Variants in CEPT1 observed in about 807,000 individuals in gnomAD.
CEPT1 encodes the protein choline/ethanolaminephosphotransferase 1.
Under a neutral mutation model 42.6 loss-of-function variants are expected in CEPT1, and 7 were observed. The ratio of observed to expected loss-of-function variants is 0.16; its 90% CI spans 0.09 to 0.31. CEPT1 has a LOEUF of 0.31. CEPT1 is among the 10% of genes least tolerant of loss of function. The pLI, the probability that CEPT1 is intolerant of heterozygous loss-of-function variation, is 1.00. For synonymous variants in CEPT1, 171 were observed against 171.9 expected, an observed-to-expected ratio of 0.99 and a Z score of 0.04; for missense variants, 306 against 502.1, an observed-to-expected ratio of 0.61 and a Z score of 3.73.
chr1:111,166,932 G>A (rs1057130779), intron 4 of CEPT1, among the ~76,000 whole-genome samples: 2 of 152,122 alleles, frequency 1.3e-5, no homozygotes, highest in Non-Finnish European at 2.9e-5. Context: ...TAAGAACTAT[G>A]TATGTATGTA....
chr1:111,142,212 T>C (rs1654682027), intron 1 of CEPT1, among the ~76,000 whole-genome samples: 1 of 152,240 alleles, frequency 6.6e-6, no homozygotes, highest in Admixed American at 6.5e-5. Context: ...TCTCTGATTA[T>C]ACTTTTTCTA....
At chr1:111,183,428 T>G (rs761734026) in intron 7 of CEPT1, 34 bp from the exon 8 acceptor site, 3 of 1,608,416 alleles carry the variant, frequency 1.9e-6, no homozygotes, top group Non-Finnish European at 2.6e-6. Context: ...TGTCCTCTTA[T>G]GAAAATGCCT....
At chr1:111,177,983 C>T (rs1162232553) in intron 5 of CEPT1, among the ~76,000 whole-genome samples, 3 of 152,166 alleles carry the variant, frequency 2.0e-5, no homozygotes. Context: ...TTTTTAACAA[C>T]TCCCAATACG....
rs1431271752 is a variant in CEPT1, at chr1:111,184,676, C to G, written c.*366C>G. On this transcript the variant is annotated 3_prime_UTR_variant, in exon 9 of 9. Transcript: ENST00000357172. The stretch of plus-strand genomic sequence containing the variant: ...AAAGATGATTGCTTTATAATTTTAA[C>G]AAATCATTGTCTTTTAGTAACATCC... The G allele has an allele frequency of 6.4e-6, 1 of 156,578 alleles. No individual in the cohort carries two copies. Among genetic ancestry groups the G allele is most frequent in the African/African-American group, 2.4e-5 (1 of 41,524 alleles). 9.7% of individuals were successfully genotyped at this position (156,578 alleles called of 1,614,324 possible). A position where few individuals can be genotyped will look rare whatever the true frequency, so the allele number is the denominator to read the frequency against.
chr1:111,179,081 G>GT (rs1459801251), intron 5 of CEPT1: 3 of 152,094 alleles, frequency 2.0e-5, no homozygotes, highest in Non-Finnish European at 4.4e-5. Context: ...TACAAAGCCT[G>GT]TAAGGACATT....
At chr1:111,166,847 T>C (rs1031219560) in intron 4 of CEPT1, among the ~76,000 whole-genome samples, 10 of 152,218 alleles carry the variant, frequency 6.6e-5, no homozygotes, top group Admixed American at 2.6e-4. Context: ...TATTAGTGTT[T>C]CCAGCTGCCT....
chr1:111,156,845 C>T (rs1655600316), intron 2 of CEPT1, among the ~76,000 whole-genome samples: 1 of 151,994 alleles, frequency 6.6e-6, no homozygotes, highest in Non-Finnish European at 1.5e-5. Context: ...TTAGTAAAAC[C>T]ATATGTTTCT....
chr1:111,145,129 C>T (rs918029336), intron 1 of CEPT1, among the ~76,000 whole-genome samples: 1 of 152,090 alleles, frequency 6.6e-6, no homozygotes, highest in Non-Finnish European at 1.5e-5. Context: ...AATTCTCCTG[C>T]CTCAGCCTCC....
At chr1:111,164,824 C>A (rs567437045) in intron 4 of CEPT1, among the ~76,000 whole-genome samples, 1 of 151,830 alleles carries the variant, frequency 6.6e-6, no homozygotes, top group African/African-American at 2.4e-5. Context: ...GGGGTTTCAC[C>A]GTGTTAGCCA....
At chr1:111,174,379 T>G (rs1184545466) in intron 4 of CEPT1, among the ~76,000 whole-genome samples, 1 of 152,012 alleles carries the variant, frequency 6.6e-6, no homozygotes, top group Non-Finnish European at 1.5e-5. Flanking sequence ...TTCACACCTA[T>G]ACAATGGCAG....
chr1:111,142,562 C>G (rs1654713814), intron 1 of CEPT1, among the ~76,000 whole-genome samples: 1 of 152,110 alleles, frequency 6.6e-6, no homozygotes, highest in African/African-American at 2.4e-5. Context: ...GGCTGAGACA[C>G]AGGAATCGCT....
intron 2 of CEPT1, among the ~76,000 whole-genome samples, chr1:111,149,411 C>T (rs1268318106): frequency 6.6e-6 from 1 of 151,994 alleles, no homozygotes; most frequent in Admixed American, 6.6e-5. Flanking sequence ...TACAGGCCCG[C>T]ACCATCACGC....
chr1:111,172,566 T>G (rs1656473769), intron 4 of CEPT1, among the ~76,000 whole-genome samples: 1 of 152,216 alleles, frequency 6.6e-6, no homozygotes, highest in African/African-American at 2.4e-5. Context: ...AAGAATGGAT[T>G]GTCATGTAAC....
At chr1:111,144,396 T>C (rs1201864200) in intron 1 of CEPT1, among the ~76,000 whole-genome samples, 1 of 152,338 alleles carries the variant, frequency 6.6e-6, no homozygotes, top group East Asian at 1.9e-4. Flanking sequence ...ACAGAGACAT[T>C]GTTGCTGCAA....
chr1:111,174,303 T>G (rs1656566785), intron 4 of CEPT1, among the ~76,000 whole-genome samples: 1 of 152,154 alleles, frequency 6.6e-6, no homozygotes, highest in African/African-American at 2.4e-5. Flanking sequence ...AGTATCTTCT[T>G]TGCAGAAGTC....
In CEPT1 at chr1:111,164,790, G is replaced by T. The variant is rs150188787; in HGVS notation, c.629+3494G>T. On this transcript the variant is annotated intron_variant, in intron 4 of 8. Coordinates refer to ENST00000357172, the MANE Select transcript of CEPT1 (RefSeq NM_006090.5). Reference sequence around the variant, plus strand: ...TGCGTGCTGCCACCATGCCCAGCTAGTTTTTTGCATTTTTAGTAGAGATGG... The same window carrying T: ...TGCGTGCTGCCACCATGCCCAGCTATTTTTTTGCATTTTTAGTAGAGATGG... Among the ~76,000 whole-genome samples the T allele has an allele frequency of 2.5e-3, 373 of 151,554 alleles. 4 individuals carry two copies. Among genetic ancestry groups the T allele is most frequent in the African/African-American group, 8.7e-3 (358 of 41,316 alleles).
At chr1:111,183,096 G>T in intron 7 of CEPT1, 139 bp downstream of exon 7, 1 of 835,736 alleles carries the variant, frequency 1.2e-6, no homozygotes, top group Non-Finnish European at 1.9e-6. Context: ...ATATCAACAT[G>T]GGAACTATTT....
chr1:111,147,723 G>C lies in CEPT1; in HGVS notation c.9G>C (p.Gly3=), dbSNP rs1415081596. MS[G]HRSTRKRCGD... is the part of the protein sequence containing the mutation. The stretch of plus-strand genomic sequence containing the variant: ...AAAAAAAAACAAGATCCATGAGTGG[G>C]CATCGATCAACAAGGAAAAGATGTG... Residue 3 remains glycine (G), a synonymous_variant, in exon 2 of 9, where the codon GGG becomes GGC. Coordinates refer to ENST00000357172, the MANE Select transcript of CEPT1 (RefSeq NM_006090.5). 5 of 1,606,246 alleles carry C rather than the reference G, an allele frequency of 3.1e-6. No homozygotes were observed. The highest frequency in any genetic ancestry group is 4.3e-6 in the Non-Finnish European group (5 of 1,174,742).
At chr1:111,169,733 T>A (rs1341585517) in intron 4 of CEPT1, among the ~76,000 whole-genome samples, 1 of 152,240 alleles carries the variant, frequency 6.6e-6, no homozygotes, top group Non-Finnish European at 1.5e-5. Context: ...CAGAAAGAAT[T>A]GTCCTTAATA....
Sources: gnomAD v4.1 joint callset for allele counts (sites outside exome capture counted in the v4.1 genomes callset) on GRCh38, gnomAD v4.1.1 for gene constraint, MANE v1.5 for transcripts, NCBI Gene and HGNC (gene_info 2026-07-23, HGNC 2026-07-21) for gene names.